The following GYPB variants were observed in gnomAD, a reference collection of about 807,000 sequenced individuals.
The protein encoded by GYPB is glycophorin B (MNS blood group).
In GYPB, 13 loss-of-function variants were observed where a neutral mutation model predicts 15.3. That is an observed-to-expected ratio of 0.85 (90% confidence interval 0.55 to 1.35). GYPB has a LOEUF of 1.35. Ranked by LOEUF, GYPB falls within the 40% of genes most tolerant of loss-of-function variation. The pLI is 0.00. For missense variants in GYPB, 131 were observed against 108.3 expected, an observed-to-expected ratio of 1.21 and a Z score of -0.93; for synonymous variants, 38 against 36.9, an observed-to-expected ratio of 1.03 and a Z score of -0.11.
intron 1 of GYPB, among the ~76,000 whole-genome samples, chr4:144,004,249 TTATATCA>T (rs1368323022): frequency 2.0e-5 from 3 of 151,900 alleles, no homozygotes; most frequent in Non-Finnish European, 4.4e-5. Flanking sequence ...AAATTGTTTT[TTATATCA>T]TTTCCTCAAC....
intron 3 of GYPB, among the ~76,000 whole-genome samples, chr4:143,998,456 C>T (rs1277179300): frequency 6.6e-6 from 1 of 150,638 alleles, no homozygotes; most frequent in Admixed American, 6.6e-5. Flanking sequence ...GCTGGTGTTG[C>T]CCAGCCTTCT....
intron 1 of GYPB, chr4:144,016,993 T>C: frequency 2.7e-6 from 1 of 366,992 alleles, no homozygotes; most frequent in South Asian, 2.3e-5. Context: ...TGGTTTTATA[T>C]GCTTTGTATT....
rs535838119 is a variant in GYPB, at chr4:143,996,801, C to CA, written c.271-498dup. On this transcript the variant is annotated intron_variant, in intron 4 of 4. Coordinates refer to ENST00000502664, the MANE Select transcript of GYPB (RefSeq NM_002100.6). The stretch of plus-strand genomic sequence containing the variant: ...AAAAATTTAAAAAACTTTAATGATT[C>CA]AAAAAAAATCACTGATGTTAAGAAT... 3.4e-4 allele frequency among the ~76,000 whole-genome samples: 51 copies of CA among 150,194 alleles called. 7 individuals carry two copies. The highest frequency in any genetic ancestry group is 1.1e-3 in the African/African-American group (46 of 40,210).
chr4:144,006,802 T>C (rs1286806476), intron 1 of GYPB, among the ~76,000 whole-genome samples: 3 of 151,764 alleles, frequency 2.0e-5, no homozygotes, highest in African/African-American at 7.3e-5. Context: ...GAAAACTACT[T>C]GATAAATGCA....
intron 4 of GYPB, among the ~76,000 whole-genome samples, chr4:143,996,618 A>C (rs952444406): frequency 6.0e-5 from 9 of 150,460 alleles, no homozygotes; most frequent in African/African-American, 2.0e-4. Flanking sequence ...AAAAATACAA[A>C]AATTAGTCAG....
At chr4:144,010,101 G>A (rs1245658102) in intron 1 of GYPB, among the ~76,000 whole-genome samples, 1 of 151,180 alleles carries the variant, frequency 6.6e-6, no homozygotes, top group African/African-American at 2.5e-5. Context: ...CTAACCTGCA[G>A]TCAGGATGGC....
At chr4:143,999,610 T>C (rs1727516619) in intron 2 of GYPB, among the ~76,000 whole-genome samples, 161 bp from the exon 3 acceptor site, 2 of 151,526 alleles carry the variant, frequency 1.3e-5, no homozygotes, top group Admixed American at 1.3e-4. Flanking sequence ...TATGAGGTAA[T>C]GTGTCAGTCT....
intron 2 of GYPB, among the ~76,000 whole-genome samples, chr4:144,000,947 T>C (rs1450382711): frequency 6.6e-6 from 1 of 151,308 alleles, no homozygotes; most frequent in South Asian, 2.1e-4. Context: ...ACATGTATCA[T>C]TTCTGTGCTT....
intron 1 of GYPB, among the ~76,000 whole-genome samples, chr4:144,016,140 GAAAA>G (rs10594193): frequency 0.55 from 21,567 of 38,886 alleles, 4,803 homozygotes; most frequent in South Asian, 0.67. Context: ...TTGGATCCCT[GAAAA>G]AAAAAAAAAA....
chr4:143,996,597 T>C lies in GYPB; in HGVS notation c.271-293A>G, dbSNP rs539898123. Among the ~76,000 whole-genome samples the C allele has an allele frequency of 5.2e-4, 78 of 150,580 alleles. 4 individuals carry two copies. The highest frequency in any genetic ancestry group is 1.8e-3 in the African/African-American group (72 of 40,148). On this transcript the variant is annotated intron_variant, in intron 4 of 4. Transcript: ENST00000502664. The stretch of plus-strand genomic sequence containing the variant: ...CTGGCCAACACAGCGAAACCCCATC[T>C]CTGCTATTAAAAAAATACAAAAATT...
At chr4:144,007,876 A>C (rs1279857705) in intron 1 of GYPB, among the ~76,000 whole-genome samples, 1 of 151,382 alleles carries the variant, frequency 6.6e-6, no homozygotes, top group African/African-American at 2.5e-5. Flanking sequence ...AGGCTCAAGC[A>C]ATTCTCCTGC....
At chr4:144,016,140 GA>G (rs10594193) in intron 1 of GYPB, among the ~76,000 whole-genome samples, 48 of 38,858 alleles carry the variant, frequency 1.2e-3, no homozygotes, top group African/African-American at 4.8e-3. Flanking sequence ...TTGGATCCCT[GA>G]AAAAAAAAAA....
rs1727305342 is a variant in GYPB, at chr4:143,996,293, A to G, written c.*6T>C. On this transcript the variant is annotated 3_prime_UTR_variant, in exon 5 of 5. Transcript: ENST00000502664. Reference sequence around the variant, plus strand: ...GGCAAGATCAGGCAGCATGCAGGCCACATCCTCATGCCTGTGATAAAAAGA... The same window carrying G: ...GGCAAGATCAGGCAGCATGCAGGCCGCATCCTCATGCCTGTGATAAAAAGA... The G allele has an allele frequency of 2.6e-6, 4 of 1,550,946 alleles. No individual in the cohort carries two copies. Among genetic ancestry groups the G allele is most frequent in the Non-Finnish European group, 3.5e-6 (4 of 1,147,288 alleles).
intron 1 of GYPB, among the ~76,000 whole-genome samples, chr4:144,005,211 T>A (rs1309220046): frequency 6.6e-6 from 1 of 151,964 alleles, no homozygotes; most frequent in East Asian, 1.9e-4. Flanking sequence ...TTTGGTCTCA[T>A]AAAAATTAAA....
At chr4:144,016,408 T>C (rs564545198) in intron 1 of GYPB, among the ~76,000 whole-genome samples, 1 of 148,894 alleles carries the variant, frequency 6.7e-6, no homozygotes, top group Non-Finnish European at 1.5e-5. Flanking sequence ...TCCTTCCTTC[T>C]TTTTTCCTTC....
intron 1 of GYPB, among the ~76,000 whole-genome samples, chr4:144,009,597 CTTTCTTT>C (rs1728104978): frequency 3.8e-5 from 2 of 52,816 alleles, no homozygotes; most frequent in Non-Finnish European, 7.6e-5. Context: ...GATTTTTTTT[CTTTCTTT>C]TTTTTTTTTT....
intron 1 of GYPB, among the ~76,000 whole-genome samples, chr4:144,004,945 A>G (rs1376908192): frequency 6.6e-6 from 1 of 151,832 alleles, no homozygotes; most frequent in African/African-American, 2.4e-5. Context: ...CAAACTCGTA[A>G]CCATTGAACA....
intron 1 of GYPB, chr4:144,002,818 A>G (rs1345148839): frequency 2.1e-6 from 1 of 466,392 alleles, no homozygotes; most frequent in Non-Finnish European, 3.8e-6. Context: ...CCTCCAAATC[A>G]TGGAGAAGAC....
At chr4:143,996,453 G>A in intron 4 of GYPB, 149 bp from the exon 5 acceptor site, 1 of 1,417,942 alleles carries the variant, frequency 7.1e-7, no homozygotes. Context: ...GTGTTGCCAA[G>A]TTCTTTTGGT....
Sources: gnomAD v4.1 joint callset for allele counts (sites outside exome capture counted in the v4.1 genomes callset) on GRCh38, gnomAD v4.1.1 for gene constraint, MANE v1.5 for transcripts, NCBI Gene and HGNC (gene_info 2026-07-23, HGNC 2026-07-21) for gene names.